Variants in TUBA8 observed in about 807,000 individuals in gnomAD.
TUBA8 encodes tubulin alpha 8.
In TUBA8, 29 loss-of-function variants were observed where a neutral mutation model predicts 34.7. That is an observed-to-expected ratio of 0.84 (90% confidence interval 0.62 to 1.14). The LOEUF (loss-of-function observed/expected upper bound fraction) is 1.14, where lower values mean the gene tolerates loss of function less well. TUBA8 is among the 50% of genes most tolerant of loss of function. TUBA8 has a pLI of 0.00. For missense variants in TUBA8, 541 were observed against 599.2 expected (o/e 0.90, Z 1.01); for synonymous variants, 226 against 231.2 (o/e 0.98, Z 0.21).
intron 1 of TUBA8, chr22:18,113,128 A>AT (rs535322748): frequency 1.3e-5 from 2 of 152,144 alleles, no homozygotes; most frequent in South Asian, 4.1e-4. Flanking sequence ...GCAGATGAGC[A>AT]TTTTTCCTCT....
At chr22:18,123,978 C>T (rs1334148449) in intron 2 of TUBA8, 178 bp from the exon 3 acceptor site, 1 of 736,954 alleles carries the variant, frequency 1.4e-6, no homozygotes, top group African/African-American at 1.7e-5. Context: ...CTCTGTTAGT[C>T]CCTGAGCTAC....
Position 18,110,947 on chromosome 22 carries a change from C to A in TUBA8, c.3+79C>A, listed in dbSNP as rs191446824. On this transcript the variant is annotated intron_variant, in intron 1 of 4. Coordinates refer to ENST00000330423, the MANE Select transcript of TUBA8 (RefSeq NM_018943.3). The surrounding 1 kb of genome is among the most constrained non-coding windows in gnomAD (Gnocchi z 6.2). ...AGAGCCGAGTCTACGCGGAGGCGCA[C>A]GGACCCGTCTTCCTGGAGCCGCAGG... 3.8e-4 allele frequency: 583 copies of A among 1,531,554 alleles called. No individual in the cohort carries two copies. Among genetic ancestry groups the A allele is most frequent in the Non-Finnish European group, 4.8e-4 (547 of 1,144,614 alleles). 94.9% of individuals were successfully genotyped at this position (1,531,554 alleles called of 1,614,324 possible). A position where few individuals can be genotyped will look rare whatever the true frequency, so the allele number is the denominator to read the frequency against.
Position 18,124,122 on chromosome 22 carries a change from G to A in TUBA8, c.227-34G>A, listed in dbSNP as rs375833889. On this transcript the variant is annotated intron_variant, in intron 2 of 4. Coordinates refer to ENST00000330423, the MANE Select transcript of TUBA8 (RefSeq NM_018943.3). This position sits in a 1 kb window ranked among gnomAD's most constrained non-coding sequence, Gnocchi z 4.3. Reference sequence around the variant, plus strand: ...GTAGGGAGGGAGGCTTCTCCCCTGGGCAGTAGGACCTAATGGTCTTCCTCT... The same window carrying A: ...GTAGGGAGGGAGGCTTCTCCCCTGGACAGTAGGACCTAATGGTCTTCCTCT... 6.2e-6 allele frequency: 10 copies of A among 1,613,922 alleles called. No individual in the cohort carries two copies. Among genetic ancestry groups the A allele is most frequent in the Non-Finnish European group, 7.6e-6 (9 of 1,179,934 alleles).
chr22:18,131,431 A>G lies in TUBA8; in HGVS notation c.*295A>G. 1 of 402,462 alleles carries G rather than the reference A, an allele frequency of 2.5e-6. No homozygotes were observed. The highest frequency in any genetic ancestry group is 4.7e-6 in the Non-Finnish European group (1 of 214,996). 24.9% of individuals were successfully genotyped at this position (402,462 alleles called of 1,614,324 possible). A position where few individuals can be genotyped will look rare whatever the true frequency, so the allele number is the denominator to read the frequency against. ...CGAGGAGGCCTAATCAGGAGTTTCA[A>G]TTCCAGATCGGGCTGGGTCCAGCCC... On this transcript the variant is annotated 3_prime_UTR_variant, in exon 5 of 5. Transcript: ENST00000330423. The surrounding 1 kb of genome is among the most constrained non-coding windows in gnomAD (Gnocchi z 5.3).
At chr22:18,115,937 G>A (rs925860804) in intron 1 of TUBA8, 3 of 152,188 alleles carry the variant, frequency 2.0e-5, no homozygotes, top group African/African-American at 7.2e-5. Flanking sequence ...AGCAAACAAG[G>A]GACCCCCTCC....
Position 18,131,617 on chromosome 22 carries a change from C to CCGAG in TUBA8, c.*481_*482insCGAG. On this transcript the variant is annotated 3_prime_UTR_variant, in exon 5 of 5. Coordinates refer to ENST00000330423, the MANE Select transcript of TUBA8 (RefSeq NM_018943.3). The surrounding 1 kb of genome is among the most constrained non-coding windows in gnomAD (Gnocchi z 5.3). Reference sequence around the variant, plus strand: ...TTAGCATGCATTCACTCCCCCATCACATATTCCAATACACACCCTGTCCTA... The same window carrying CCGAG: ...TTAGCATGCATTCACTCCCCCATCACCGAGATATTCCAATACACACCCTGTCCTA... The CCGAG allele has an allele frequency of 2.3e-5, 5 of 215,804 alleles. No homozygotes were observed. Among genetic ancestry groups the CCGAG allele is most frequent in the South Asian group, 7.9e-5 (1 of 12,708 alleles). 13.4% of individuals were successfully genotyped at this position (215,804 alleles called of 1,614,324 possible). A position where few individuals can be genotyped will look rare whatever the true frequency, so the allele number is the denominator to read the frequency against.
intron 4 of TUBA8, chr22:18,130,086 A>G (rs1352583950): frequency 2.0e-5 from 3 of 152,194 alleles, no homozygotes; most frequent in Non-Finnish European, 2.9e-5. Context: ...GTTAACGCCA[A>G]CACCATCCCG....
At chr22:18,123,998 C>G in intron 2 of TUBA8, 158 bp from the exon 3 acceptor site, 1 of 879,896 alleles carries the variant, frequency 1.1e-6, no homozygotes, top group South Asian at 1.5e-5. Flanking sequence ...CCCGGGAATT[C>G]TCTTAGCCTT....
At position 18,121,472 on chromosome 22, in the gene TUBA8, C is replaced by A; in HGVS notation, c.4-7C>A. The A allele has an allele frequency of 6.2e-7, 1 of 1,613,140 alleles. No homozygotes were observed. The highest frequency in any genetic ancestry group is 8.5e-7 in the Non-Finnish European group (1 of 1,179,048). ...TCTCTGACCTCGTTGCTTCCCTCTC[C>A]CCACAGCGGGAATGCATATCAGTCC... On this transcript the variant is annotated splice_polypyrimidine_tract_variant and splice_region_variant and intron_variant, in intron 1 of 4. Coordinates refer to ENST00000330423, the MANE Select transcript of TUBA8 (RefSeq NM_018943.3). This position sits in a 1 kb window ranked among gnomAD's most constrained non-coding sequence, Gnocchi z 4.8.
chr22:18,126,794 C>T lies in TUBA8; in HGVS notation c.816C>T (p.Tyr272=), dbSNP rs2234332. 2.8e-3 allele frequency: 4,547 copies of T among 1,614,040 alleles called. 96 individuals carry two copies. The African/African-American group carries it at 0.05, about 18-fold the overall frequency. ...GCATCCACTTCCCGCTGGTCACCTA[C>T]GCGCCCATCATCTCTGCCGAGAAAG... ...YPRIHFPLVT[Y]APIISAEKAY... The change falls in exon 4 of 5, where the codon TAC becomes TAT. Residue 272 remains tyrosine, a synonymous_variant. Coordinates refer to ENST00000330423, the MANE Select transcript of TUBA8 (RefSeq NM_018943.3). The surrounding 1 kb of genome is among the most constrained non-coding windows in gnomAD (Gnocchi z 4.0).
intron 3 of TUBA8, chr22:18,125,007 G>C (rs1247426414): frequency 1.3e-5 from 2 of 152,196 alleles, no homozygotes; most frequent in Non-Finnish European, 2.9e-5. Flanking sequence ...GTTTAGAGGA[G>C]GGCTTGTCAG....
Position 18,131,577 on chromosome 22 carries a change from G to GATAC in TUBA8, c.*441_*442insATAC. On this transcript the variant is annotated 3_prime_UTR_variant, in exon 5 of 5. Coordinates refer to ENST00000330423, the MANE Select transcript of TUBA8 (RefSeq NM_018943.3). The surrounding 1 kb of genome is among the most constrained non-coding windows in gnomAD (Gnocchi z 5.3). ...CATGAGTGGGTCTATAGCCCGCTCC[G>GATAC]GGCATCATCTAGACTTAGCATGCAT... The GATAC allele has an allele frequency of 4.0e-6, 1 of 247,094 alleles. No individual in the cohort carries two copies. The highest frequency in any genetic ancestry group is 8.0e-6 in the Non-Finnish European group (1 of 125,384). The allele number at this position is 247,094 out of a possible 1,614,324, so 15.3% of individuals were successfully genotyped here.
intron 1 of TUBA8, chr22:18,117,774 C>CAAAAAA (rs361811): frequency 2.3e-5 from 1 of 44,108 alleles, no homozygotes; most frequent in African/African-American, 7.3e-5. Flanking sequence ...GACTCCGTCT[C>CAAAAAA]AAAAAAAAAA....
chr22:18,121,476 C>A lies in TUBA8; in HGVS notation c.4-3C>A. The A allele has an allele frequency of 2.5e-6, 4 of 1,613,534 alleles. No homozygotes were observed. Among genetic ancestry groups the A allele is most frequent in the Non-Finnish European group, 3.4e-6 (4 of 1,179,422 alleles). ...TGACCTCGTTGCTTCCCTCTCCCCA[C>A]AGCGGGAATGCATATCAGTCCACGT... On this transcript the variant is annotated splice_polypyrimidine_tract_variant and splice_region_variant and intron_variant, in intron 1 of 4. Coordinates refer to ENST00000330423, the MANE Select transcript of TUBA8 (RefSeq NM_018943.3). The surrounding 1 kb of genome is among the most constrained non-coding windows in gnomAD (Gnocchi z 4.8).
At chr22:18,130,623 T>G in intron 4 of TUBA8, 1 of 609,458 alleles carries the variant, frequency 1.6e-6, no homozygotes, top group African/African-American at 1.9e-5. Flanking sequence ...GATGGGTTTT[T>G]GCTCTGTTGC....
intron 1 of TUBA8, chr22:18,112,296 C>T (rs535564753): frequency 1.3e-5 from 2 of 151,888 alleles, no homozygotes; most frequent in South Asian, 2.1e-4. Flanking sequence ...GTATAATTAG[C>T]GATTATATAC....
In TUBA8 at chr22:18,126,318, T is replaced by C; in HGVS notation, c.376-36T>C. ...ACTGTGGGGTGTTCTCGGAAACTTG[T>C]CTTCATGATTTCTTCTCATGTCCTG... is the stretch of plus-strand genomic sequence containing the variant. On this transcript the variant is annotated intron_variant, in intron 3 of 4. Coordinates refer to ENST00000330423, the MANE Select transcript of TUBA8 (RefSeq NM_018943.3). This position sits in a 1 kb window ranked among gnomAD's most constrained non-coding sequence, Gnocchi z 4.0. 1.2e-6 allele frequency: 2 copies of C among 1,609,422 alleles called. No homozygotes were observed.
chr22:18,129,945 A>T (rs1928441666), intron 4 of TUBA8: 1 of 152,228 alleles, frequency 6.6e-6, no homozygotes, highest in African/African-American at 2.4e-5. Context: ...GCACCACTGT[A>T]AGACGGGTCT....
intron 4 of TUBA8, chr22:18,129,307 C>G (rs1031926145): frequency 6.6e-6 from 1 of 152,192 alleles, no homozygotes; most frequent in Non-Finnish European, 1.5e-5. Context: ...CCCTCATTCT[C>G]TCTCCTTAAA....
Sources: allele counts gnomAD v4.1 joint callset, GRCh38; gene constraint gnomAD v4.1.1; non-coding constraint Gnocchi (gnomAD v3.1); transcripts MANE v1.5; gene names NCBI Gene and HGNC (gene_info 2026-07-23, HGNC 2026-07-21).